DLG2: variants seen among roughly 807,000 people sequenced by gnomAD.
DLG2 encodes the protein discs large MAGUK scaffold protein 2.
Under a neutral mutation model 132.5 loss-of-function variants are expected in DLG2, and 45 were observed. That is an observed-to-expected ratio of 0.34 (90% confidence interval 0.27 to 0.44). The LOEUF is 0.44. Ranked by LOEUF, DLG2 falls within the 20% of genes least tolerant of loss-of-function variation. The probability of loss-of-function intolerance (pLI) is 1.00; values close to 1 mark genes in which losing one functional copy is unlikely to be tolerated. For synonymous variants in DLG2, 424 were observed against 419.6 expected, an observed-to-expected ratio of 1.01 and a Z score of -0.13; for missense variants, 1,045 against 1,196.9, an observed-to-expected ratio of 0.87 and a Z score of 1.87.
At chr11:84,463,937 T>C (rs1267074035) in intron 7 of DLG2, among the ~76,000 whole-genome samples, 1 of 151,256 alleles carries the variant, frequency 6.6e-6, no homozygotes, top group African/African-American at 2.4e-5. Context: ...CCTCTTGCCC[T>C]CCACTTCGGG....
intron 9 of DLG2, among the ~76,000 whole-genome samples, chr11:84,121,655 G>A (rs938960667): frequency 5.8e-5 from 8 of 137,374 alleles, no homozygotes; most frequent in Non-Finnish European, 9.1e-5. Flanking sequence ...TCCGCCTCCC[G>A]GGTTCACGCC....
intron 8 of DLG2, among the ~76,000 whole-genome samples, chr11:84,221,379 G>A (rs1425566184): frequency 4.6e-5 from 7 of 152,058 alleles, no homozygotes; most frequent in South Asian, 4.2e-4. Context: ...CAGGAGAATC[G>A]CTTGAACCTA....
chr11:85,132,870 G>A (rs1012311374), intron 5 of DLG2: 16 of 456,456 alleles, frequency 3.5e-5, no homozygotes, highest in Non-Finnish European at 4.8e-5. Context: ...AAAGCCTTTT[G>A]GAAATTGCAC....
intron 7 of DLG2, among the ~76,000 whole-genome samples, chr11:84,520,903 C>A (rs566817959): frequency 6.6e-6 from 1 of 152,288 alleles, no homozygotes; most frequent in South Asian, 2.1e-4. Context: ...TCAGTGAATT[C>A]TCAAATGGCA....
At chr11:84,899,229 T>G (rs1327851444) in intron 6 of DLG2, among the ~76,000 whole-genome samples, 2 of 152,050 alleles carry the variant, frequency 1.3e-5, no homozygotes, top group Non-Finnish European at 2.9e-5. Context: ...CCCTCTAGTG[T>G]CATGCTTCCC....
chr11:84,397,947 C>G (rs984200470), intron 7 of DLG2, among the ~76,000 whole-genome samples: 1 of 152,130 alleles, frequency 6.6e-6, no homozygotes, highest in Admixed American at 6.5e-5. Flanking sequence ...AACACATGAA[C>G]CATAATTTGT....
chr11:85,321,711 G>A (rs1301972659), intron 3 of DLG2, among the ~76,000 whole-genome samples: 1 of 151,990 alleles, frequency 6.6e-6, no homozygotes, highest in Non-Finnish European at 1.5e-5. Context: ...TATCAAGGAG[G>A]AGGAAAGGAT....
At chr11:84,124,659 G>A (rs1476150660) in intron 9 of DLG2, among the ~76,000 whole-genome samples, 3 of 151,938 alleles carry the variant, frequency 2.0e-5, no homozygotes, top group Non-Finnish European at 2.9e-5. Flanking sequence ...ATGTCAAAGA[G>A]GTCCTAGACT....
chr11:85,341,247 T>A (rs1311863631), intron 3 of DLG2, among the ~76,000 whole-genome samples: 1 of 152,098 alleles, frequency 6.6e-6, no homozygotes, highest in African/African-American at 2.4e-5. Flanking sequence ...GCCTCCCGAG[T>A]AGCTGGGACT....
intron 19 of DLG2, among the ~76,000 whole-genome samples, chr11:83,547,001 T>C (rs746587754): frequency 1.1e-4 from 16 of 152,124 alleles, no homozygotes; most frequent in Non-Finnish European, 2.4e-4. Flanking sequence ...TTTCCTACGA[T>C]ACCAACCTCT....
chr11:84,899,400 C>G (rs906489660), intron 6 of DLG2, among the ~76,000 whole-genome samples: 8 of 152,030 alleles, frequency 5.3e-5, no homozygotes, highest in Non-Finnish European at 1.2e-4. Context: ...GCCCACATGA[C>G]TAAATTAAAA....
At chr11:84,978,215 A>T (rs1336798769) in intron 6 of DLG2, among the ~76,000 whole-genome samples, 2 of 152,224 alleles carry the variant, frequency 1.3e-5, no homozygotes, top group East Asian at 3.8e-4. Context: ...GGAGTTTTCT[A>T]GTCAAAGAAA....
At chr11:85,245,969 C>G (rs2076115887) in intron 4 of DLG2, among the ~76,000 whole-genome samples, 1 of 151,928 alleles carries the variant, frequency 6.6e-6, no homozygotes, top group African/African-American at 2.4e-5. Flanking sequence ...GTCATATTCT[C>G]TGTGATTCTT....
chr11:85,429,892 T>C (rs2091045994), intron 3 of DLG2, among the ~76,000 whole-genome samples: 2 of 152,172 alleles, frequency 1.3e-5, no homozygotes, highest in Non-Finnish European at 2.9e-5. Context: ...CATGCTGCTA[T>C]AAAGACACAT....
intron 21 of DLG2, among the ~76,000 whole-genome samples, chr11:83,511,726 CT>C (rs5793066): frequency 0.34 from 47,724 of 139,176 alleles, 7,839 homozygotes; most frequent in Middle Eastern, 0.47. Flanking sequence ...AAGAAGCAAA[CT>C]TTTTTTTTTT....
chr11:84,953,973 C>T (rs2051294597), intron 6 of DLG2, among the ~76,000 whole-genome samples: 1 of 152,072 alleles, frequency 6.6e-6, no homozygotes, highest in African/African-American at 2.4e-5. Context: ...GTTCCCTCTT[C>T]CATGAACACC....
chr11:84,007,425 T>C (rs1279529481), intron 11 of DLG2, among the ~76,000 whole-genome samples: 1 of 151,754 alleles, frequency 6.6e-6, no homozygotes, highest in Non-Finnish European at 1.5e-5. Flanking sequence ...CAACTAAATA[T>C]CTTTTATATC....
chr11:84,385,978 A>G (rs528282074), intron 7 of DLG2, among the ~76,000 whole-genome samples: 2 of 152,268 alleles, frequency 1.3e-5, no homozygotes, highest in East Asian at 3.9e-4. Context: ...CTAAGGAGTT[A>G]ACTGTGGAGG....
intron 14 of DLG2, among the ~76,000 whole-genome samples, chr11:83,959,545 C>T (rs113951571): frequency 0.13 from 20,138 of 152,086 alleles, 1,655 homozygotes; most frequent in African/African-American, 0.21. Context: ...TAATAATTTA[C>T]AGAGCCTTCT....
Sources: gnomAD v4.1 joint callset for allele counts (sites outside exome capture counted in the v4.1 genomes callset) on GRCh38, gnomAD v4.1.1 for gene constraint, MANE v1.5 for transcripts, NCBI Gene and HGNC (gene_info 2026-07-23, HGNC 2026-07-21) for gene names.